Variants in CCDC83 observed in about 807,000 individuals in gnomAD.
The protein encoded by CCDC83 is coiled-coil domain-containing protein 83.
CCDC83 carries 54 observed loss-of-function variants against 50.1 expected under a neutral mutation model. That is an observed-to-expected ratio of 1.08 (90% CI 0.87 to 1.35). The LOEUF is 1.35. Ranked by LOEUF, CCDC83 falls within the 40% of genes most tolerant of loss-of-function variation. The pLI is 0.00. For synonymous variants in CCDC83, 161 were observed against 153.3 expected (o/e 1.05, Z -0.37); for missense variants, 518 against 473.9 (o/e 1.09, Z -0.86).
chr11:85,857,174 C>T (rs143428806), intron 1 of CCDC83, among the ~76,000 whole-genome samples: 98 of 152,290 alleles, frequency 6.4e-4, no homozygotes, highest in Middle Eastern at 3.4e-3. Flanking sequence ...AACCAGATGC[C>T]GGGCCTGACG....
In CCDC83 at chr11:85,895,291, AGAAC is replaced by A; in HGVS notation, c.512-1_514del. On this transcript the variant is annotated splice_acceptor_variant and coding_sequence_variant, in exon 6 of 11. Coordinates refer to ENST00000342404, the MANE Select transcript of CCDC83 (RefSeq NM_001286159.2). LOFTEE classifies it high-confidence loss of function. ...TTTTTTTTTTTTTTTTTTTTTTTAA[AGAAC>A]ACTATAAAATCACTCTGGAAGATAC... 3.6e-6 allele frequency: 3 copies of A among 821,944 alleles called. No individual in the cohort carries two copies. Among genetic ancestry groups the A allele is most frequent in the Non-Finnish European group, 5.6e-6 (3 of 532,088 alleles). 50.9% of individuals were successfully genotyped at this position (821,944 alleles called of 1,614,324 possible). A position where few individuals can be genotyped will look rare whatever the true frequency, so the allele number is the denominator to read the frequency against.
intron 5 of CCDC83, among the ~76,000 whole-genome samples, chr11:85,889,307 GCA>G (rs1201978175): frequency 3.3e-5 from 5 of 152,218 alleles, no homozygotes; most frequent in Admixed American, 6.5e-5. Context: ...AGCTAAGATT[GCA>G]CCACTGCACT....
intron 8 of CCDC83, among the ~76,000 whole-genome samples, chr11:85,913,455 T>G (rs1449010243): frequency 1.3e-5 from 2 of 152,208 alleles, no homozygotes; most frequent in Non-Finnish European, 2.9e-5. Flanking sequence ...TCAGGAGATT[T>G]TACTGTACCC....
At chr11:85,917,180 G>GAA (rs1412357327) in intron 10 of CCDC83, among the ~76,000 whole-genome samples, 1 of 103,590 alleles carries the variant, frequency 9.7e-6, no homozygotes, top group African/African-American at 4.0e-5. Flanking sequence ...AAGAAAGAAA[G>GAA]AAAGAAAGAA....
At position 85,911,458 on chromosome 11, in the gene CCDC83, A is replaced by C. The variant is rs1413438729; in HGVS notation, c.794+56A>C. ...TGTAAACATTTGTATCTGCTGTAAA[A>C]AGTTGTTTTTTTAAAACAAAAAAAG... On this transcript the variant is annotated intron_variant, in intron 8 of 10. Coordinates refer to ENST00000342404, the MANE Select transcript of CCDC83 (RefSeq NM_001286159.2). 3 of 1,449,966 alleles carry C rather than the reference A, an allele frequency of 2.1e-6. No homozygotes were observed. In the Admixed American group the frequency reaches 7.6e-5, roughly 36 times the overall value. 89.8% of individuals were successfully genotyped at this position (1,449,966 alleles called of 1,614,324 possible).
chr11:85,870,018 T>G (rs112722742), intron 2 of CCDC83, among the ~76,000 whole-genome samples: 16 of 152,304 alleles, frequency 1.1e-4, no homozygotes, highest in African/African-American at 3.8e-4. Context: ...CATCCTGAAC[T>G]GCTCACTCCA....
chr11:85,880,821 A>G lies in CCDC83; in HGVS notation c.181-1692A>G, dbSNP rs1238298694. On this transcript the variant is annotated intron_variant, in intron 3 of 10. Coordinates refer to ENST00000342404, the MANE Select transcript of CCDC83 (RefSeq NM_001286159.2). ...ATTCTTGGGACCAGAAGTGTTTCCA[A>G]TTTCAGATTCTTTTAGATTTTGGAA... 3.3e-5 allele frequency among the ~76,000 whole-genome samples: 5 copies of G among 152,270 alleles called. No individual in the cohort carries two copies. In the East Asian group the frequency reaches 7.7e-4, roughly 24 times the overall value.
intron 3 of CCDC83, among the ~76,000 whole-genome samples, chr11:85,879,671 G>A (rs374345943): frequency 6.6e-6 from 1 of 151,814 alleles, no homozygotes; most frequent in Non-Finnish European, 1.5e-5. Context: ...CCAAGCTGGA[G>A]TGCAGTGGCA....
chr11:85,867,549 A>T (rs2093214561), intron 2 of CCDC83, among the ~76,000 whole-genome samples: 1 of 152,226 alleles, frequency 6.6e-6, no homozygotes, highest in South Asian at 2.1e-4. Context: ...TACTTGAAAT[A>T]ACATTAACTA....
chr11:85,855,076 G>C (rs889382043), upstream of CCDC83: 1 of 152,344 alleles, frequency 6.6e-6, no homozygotes, highest in African/African-American at 2.4e-5. Flanking sequence ...GGAGGGAGTA[G>C]GGAGGAGGAC....
chr11:85,873,430 A>G (rs1318425857), intron 3 of CCDC83, 135 bp downstream of exon 3: 2 of 445,550 alleles, frequency 4.5e-6, no homozygotes, highest in East Asian at 3.7e-5. Context: ...TTTACAATCT[A>G]TTTAAGTTTC....
In CCDC83 at chr11:85,891,399, G is replaced by A. The variant is rs552042463; in HGVS notation, c.512-3894G>A. Among the ~76,000 whole-genome samples, 3 of 152,206 alleles carry A rather than the reference G, an allele frequency of 2.0e-5. No homozygotes were observed. In the East Asian group the frequency reaches 5.8e-4, roughly 29 times the overall value. ...GAACTTTAGCTAGAATGGGATATTGGGATACTAGTATAGAAAACAGTCACT... is the reference window on the plus strand; with the variant it reads ...GAACTTTAGCTAGAATGGGATATTGAGATACTAGTATAGAAAACAGTCACT... On this transcript the variant is annotated intron_variant, in intron 5 of 10. Coordinates refer to ENST00000342404, the MANE Select transcript of CCDC83 (RefSeq NM_001286159.2).
intron 3 of CCDC83, 39 bp downstream of exon 3, chr11:85,873,334 T>G: frequency 1.3e-6 from 1 of 769,780 alleles, no homozygotes; most frequent in East Asian, 2.9e-5. Context: ...AGTCATTAAA[T>G]ATTTACACTC....
chr11:85,869,003 A>G (rs1474708399), intron 2 of CCDC83, among the ~76,000 whole-genome samples: 1 of 152,214 alleles, frequency 6.6e-6, no homozygotes, highest in African/African-American at 2.4e-5. Flanking sequence ...TGTTGAGTAA[A>G]TGTTGTCGGA....
intron 3 of CCDC83, among the ~76,000 whole-genome samples, chr11:85,875,682 C>T (rs1444696137): frequency 6.6e-6 from 1 of 152,200 alleles, no homozygotes; most frequent in Non-Finnish European, 1.5e-5. Flanking sequence ...TGAGTTGATT[C>T]ATGCTAACAC....
At chr11:85,876,516 T>C (rs762878389) in intron 3 of CCDC83, among the ~76,000 whole-genome samples, 4 of 152,204 alleles carry the variant, frequency 2.6e-5, no homozygotes, top group Non-Finnish European at 5.9e-5. Context: ...TTTTTTCATT[T>C]GTTTGTTTGA....
intron 1 of CCDC83, among the ~76,000 whole-genome samples, chr11:85,859,488 A>C (rs1445700467): frequency 6.6e-6 from 1 of 152,200 alleles, no homozygotes; most frequent in African/African-American, 2.4e-5. Flanking sequence ...AACTAATGGA[A>C]CAGGTTAAAG....
intron 6 of CCDC83, 99 bp from the exon 7 acceptor site, chr11:85,898,848 C>G: frequency 1.2e-6 from 1 of 840,224 alleles, no homozygotes. Context: ...ATTGCAGACA[C>G]AATCTAAAAT....
chr11:85,857,649 T>C (rs1302804065), intron 1 of CCDC83, among the ~76,000 whole-genome samples: 1 of 152,112 alleles, frequency 6.6e-6, no homozygotes. Flanking sequence ...AGAGCAAGTT[T>C]GACAACCTCT....
Sources: gnomAD v4.1 joint callset for allele counts (sites outside exome capture counted in the v4.1 genomes callset) on GRCh38, gnomAD v4.1.1 for gene constraint, MANE v1.5 for transcripts, NCBI Gene and HGNC (gene_info 2026-07-23, HGNC 2026-07-21) for gene names.